Variants in GABRG3 observed in about 807,000 individuals in gnomAD.
The protein encoded by GABRG3 is gamma-aminobutyric acid receptor subunit gamma-3.
Under a neutral mutation model 48.8 loss-of-function variants are expected in GABRG3, and 25 were observed. The observed-to-expected ratio is 0.51, with a 90% confidence interval of 0.37 to 0.72. The LOEUF is 0.72. GABRG3 is among the 30% of genes least tolerant of loss of function. The pLI, the probability that GABRG3 is intolerant of heterozygous loss-of-function variation, is 0.00. For missense variants in GABRG3, 394 were observed against 577.9 expected (o/e 0.68, Z 3.26); for synonymous variants, 227 against 217.6 (o/e 1.04, Z -0.38).
At chr15:27,425,465 A>AG (rs375548393) in intron 5 of GABRG3, among the ~76,000 whole-genome samples, 6,269 of 150,430 alleles carry the variant, frequency 0.042, 162 homozygotes, top group Middle Eastern at 0.085. Flanking sequence ...AAAAAAAAAA[A>AG]ATAGGCGTGG....
At chr15:27,291,177 C>T (rs1288446267) in intron 3 of GABRG3, among the ~76,000 whole-genome samples, 1 of 152,142 alleles carries the variant, frequency 6.6e-6, no homozygotes. Context: ...TGCCAAGTTG[C>T]TTGTACTAAA....
chr15:27,409,969 A>G (rs866531149), intron 5 of GABRG3, among the ~76,000 whole-genome samples: 21 of 152,144 alleles, frequency 1.4e-4, no homozygotes, highest in African/African-American at 4.8e-4. Context: ...GTACTGTGCT[A>G]GAGTGGTAAG....
intron 5 of GABRG3, among the ~76,000 whole-genome samples, chr15:27,343,268 C>G (rs1894253935): frequency 6.6e-6 from 1 of 152,128 alleles, no homozygotes; most frequent in Non-Finnish European, 1.5e-5. Flanking sequence ...GTGGCTGGCC[C>G]TGCAGTGCCT....
At chr15:27,502,066 A>T (rs1394636264) in intron 6 of GABRG3, among the ~76,000 whole-genome samples, 2 of 152,224 alleles carry the variant, frequency 1.3e-5, no homozygotes, top group Non-Finnish European at 2.9e-5. Context: ...TCTAAAAGTA[A>T]GGTCAAGCTC....
intron 3 of GABRG3, among the ~76,000 whole-genome samples, chr15:27,267,967 T>G (rs1298791536): frequency 6.6e-6 from 1 of 152,204 alleles, no homozygotes; most frequent in Non-Finnish European, 1.5e-5. Flanking sequence ...AAATTGCTTC[T>G]ATCCCCAGTG....
intron 3 of GABRG3, among the ~76,000 whole-genome samples, chr15:27,152,861 ATTTTTTT>A (rs1187163963): frequency 7.2e-6 from 1 of 139,024 alleles, no homozygotes; most frequent in Non-Finnish European, 1.6e-5. Flanking sequence ...TTTCGAGTTA[ATTTTTTT>A]TTTTTTTTTT....
intron 5 of GABRG3, among the ~76,000 whole-genome samples, chr15:27,435,311 A>G (rs1365885522): frequency 6.6e-6 from 1 of 152,010 alleles, no homozygotes; most frequent in South Asian, 2.1e-4. Flanking sequence ...ATGGTAAAAT[A>G]GTAAATATTG....
intron 3 of GABRG3, among the ~76,000 whole-genome samples, chr15:27,111,536 G>A (rs1331319784): frequency 3.9e-5 from 6 of 152,102 alleles, no homozygotes; most frequent in African/African-American, 1.2e-4. Flanking sequence ...TGCTGGCAGC[G>A]GGCTTTGTTT....
intron 2 of GABRG3, among the ~76,000 whole-genome samples, chr15:27,014,950 C>T (rs1252607136): frequency 1.3e-5 from 2 of 152,168 alleles, no homozygotes; most frequent in Admixed American, 6.5e-5. Flanking sequence ...GGAACTCTAA[C>T]GTTAGGTGTA....
intron 7 of GABRG3, among the ~76,000 whole-genome samples, chr15:27,520,763 A>AAT (rs1891141363): frequency 1.3e-5 from 2 of 150,924 alleles, no homozygotes; most frequent in South Asian, 4.2e-4. Flanking sequence ...GAAGGCAGGT[A>AAT]ATATATAAGA....
At chr15:27,468,118 C>T (rs946754934) in intron 5 of GABRG3, among the ~76,000 whole-genome samples, 5 of 152,172 alleles carry the variant, frequency 3.3e-5, no homozygotes, top group African/African-American at 1.2e-4. Flanking sequence ...CCTGTGGGAC[C>T]TCCACCCCTG....
chr15:27,402,703 G>A (rs991991398), intron 5 of GABRG3, among the ~76,000 whole-genome samples: 2 of 152,170 alleles, frequency 1.3e-5, no homozygotes, highest in Admixed American at 1.3e-4. Context: ...AAATATTCTT[G>A]TCTTAAGCCC....
intron 3 of GABRG3, among the ~76,000 whole-genome samples, chr15:27,321,627 T>A (rs1893429290): frequency 6.6e-6 from 1 of 152,236 alleles, no homozygotes; most frequent in Non-Finnish European, 1.5e-5. Context: ...GCCAGTGGCT[T>A]CTTTTCCTGA....
chr15:27,323,340 T>G (rs2140516186), intron 3 of GABRG3, among the ~76,000 whole-genome samples: 1 of 152,346 alleles, frequency 6.6e-6, no homozygotes, highest in African/African-American at 2.4e-5. Context: ...ATGGGGCTTT[T>G]GTAGAGAATA....
At chr15:27,400,430 G>A (rs573059653) in intron 5 of GABRG3, among the ~76,000 whole-genome samples, 38 of 152,292 alleles carry the variant, frequency 2.5e-4, no homozygotes, top group South Asian at 1.7e-3. Flanking sequence ...GTCTTACAAT[G>A]ACTAAAATGC....
chr15:27,329,015 T>C, intron 5 of GABRG3, 127 bp downstream of exon 5: 1 of 802,522 alleles, frequency 1.2e-6, no homozygotes, highest in South Asian at 1.6e-5. Context: ...CTGATGATGG[T>C]TTCAGTATTG....
At chr15:27,434,533 A>G (rs1400612022) in intron 5 of GABRG3, among the ~76,000 whole-genome samples, 1 of 152,192 alleles carries the variant, frequency 6.6e-6, no homozygotes, top group Non-Finnish European at 1.5e-5. Flanking sequence ...CATTATATAT[A>G]TAATTATCAA....
intron 3 of GABRG3, among the ~76,000 whole-genome samples, chr15:27,078,868 G>T (rs1354440900): frequency 6.6e-6 from 1 of 152,196 alleles, no homozygotes; most frequent in African/African-American, 2.4e-5. Flanking sequence ...TGGAAATAGG[G>T]TCATTGCAGA....
intron 5 of GABRG3, among the ~76,000 whole-genome samples, chr15:27,380,815 G>C (rs147371861): frequency 0.03 from 4,536 of 149,262 alleles, 116 homozygotes; most frequent in Non-Finnish European, 0.047. Flanking sequence ...GCCCAGGCTG[G>C]AGTGCAGTGG....
Sources: gnomAD v4.1 joint callset for allele counts (sites outside exome capture counted in the v4.1 genomes callset) on GRCh38, gnomAD v4.1.1 for gene constraint, MANE v1.5 for transcripts, NCBI Gene and HGNC (gene_info 2026-07-23, HGNC 2026-07-21) for gene names.